SNX29: variants seen among roughly 807,000 people sequenced by gnomAD.
SNX29 encodes sorting nexin-29.
A neutral mutation model predicts 102.1 loss-of-function variants in SNX29; 78 were observed. The observed-to-expected ratio is 0.76, with a 90% CI of 0.64 to 0.92. The LOEUF is 0.92. SNX29 is among the 40% of genes least tolerant of loss of function. The pLI is 0.00. For missense variants in SNX29, 1,280 were observed against 1,061.7 expected, an observed-to-expected ratio of 1.21 and a Z score of -2.86; for synonymous variants, 580 against 414.5, an observed-to-expected ratio of 1.40 and a Z score of -4.85.
intron 20 of SNX29, among the ~76,000 whole-genome samples, chr16:12,566,419 C>T (rs552150447): frequency 2.3e-5 from 1 of 43,660 alleles, no homozygotes; most frequent in Non-Finnish European, 4.7e-5. Context: ...CTGTTACCTC[C>T]AGGGCCTCTC....
At chr16:12,220,443 C>A (rs1049168670) in intron 14 of SNX29, among the ~76,000 whole-genome samples, 1 of 152,050 alleles carries the variant, frequency 6.6e-6, no homozygotes, top group Admixed American at 6.5e-5. Context: ...ACTGGAGAGA[C>A]AGGCAGGGGT....
intron 15 of SNX29, among the ~76,000 whole-genome samples, chr16:12,350,201 C>G (rs969888410): frequency 2.0e-5 from 3 of 152,174 alleles, no homozygotes; most frequent in African/African-American, 7.2e-5. Flanking sequence ...TCTGTATCTG[C>G]GACTCTGCAT....
chr16:12,471,173 G>C (rs1319763519), intron 18 of SNX29, among the ~76,000 whole-genome samples: 2 of 152,032 alleles, frequency 1.3e-5, no homozygotes, highest in African/African-American at 4.8e-5. Flanking sequence ...GCCACTTAAA[G>C]GAAGCTTTTA....
chr16:12,278,949 G>C (rs939889976), intron 15 of SNX29, among the ~76,000 whole-genome samples: 2 of 152,074 alleles, frequency 1.3e-5, no homozygotes, highest in African/African-American at 4.8e-5. Context: ...TAACCTTATT[G>C]ATACCTGATT....
chr16:12,298,254 C>A (rs1331973002), intron 15 of SNX29, among the ~76,000 whole-genome samples: 1 of 152,080 alleles, frequency 6.6e-6, no homozygotes, highest in Non-Finnish European at 1.5e-5. Context: ...AATAACTGAG[C>A]AATGCAATTC....
intron 11 of SNX29, among the ~76,000 whole-genome samples, chr16:12,084,244 C>G (rs550096601): frequency 6.6e-6 from 1 of 151,764 alleles, no homozygotes; most frequent in Non-Finnish European, 1.5e-5. Flanking sequence ...CTCCCGGATT[C>G]AGGCTATTCT....
chr16:12,521,928 T>C (rs1226457555), intron 19 of SNX29, among the ~76,000 whole-genome samples: 1 of 152,184 alleles, frequency 6.6e-6, no homozygotes, highest in African/African-American at 2.4e-5. Context: ...GCTGGACTGA[T>C]GGTGACATTG....
chr16:12,395,909 G>T (rs967633620), intron 16 of SNX29, among the ~76,000 whole-genome samples: 1 of 152,186 alleles, frequency 6.6e-6, no homozygotes, highest in African/African-American at 2.4e-5. Context: ...GAGTAAGCTC[G>T]GCCTTTAATT....
chr16:12,564,580 GCC>G (rs1172681008), intron 20 of SNX29, among the ~76,000 whole-genome samples: 1 of 152,088 alleles, frequency 6.6e-6, no homozygotes, highest in Non-Finnish European at 1.5e-5. Context: ...CCATCCAGAC[GCC>G]CCTTTTTCTT....
chr16:12,549,654 A>T (rs1459275824), intron 20 of SNX29, among the ~76,000 whole-genome samples: 1 of 152,210 alleles, frequency 6.6e-6, no homozygotes, highest in East Asian at 1.9e-4. Context: ...TGCCGAAACC[A>T]GCTTGAGGCA....
intron 18 of SNX29, among the ~76,000 whole-genome samples, chr16:12,415,132 G>C (rs142670494): frequency 2.0e-5 from 3 of 152,248 alleles, no homozygotes; most frequent in Non-Finnish European, 4.4e-5. Flanking sequence ...CCAAGTCCGG[G>C]CAAAAATTCC....
chr16:12,051,887 G>T lies in SNX29; in HGVS notation c.789G>T (p.Val263=). The T allele has an allele frequency of 6.2e-7, 1 of 1,612,282 alleles. No individual in the cohort carries two copies. The highest frequency in any genetic ancestry group is 8.5e-7 in the Non-Finnish European group (1 of 1,179,612). ...AGGAGCGGAAGAAGAAAAAGAAAGT[G>T]ACCAACATAATCTCATTTGATGATG... ...CKKERKKKKK[V]TNIISFDDEE... The change falls in exon 8 of 21, where the codon GTG becomes GTT. Residue 263 remains valine, a synonymous_variant. Transcript: ENST00000566228.
chr16:12,561,001 G>C (rs2078695898), intron 20 of SNX29: 2 of 216,588 alleles, frequency 9.2e-6, no homozygotes, highest in South Asian at 1.9e-4. Flanking sequence ...AGCCATTTCT[G>C]GATCAGTTGT....
intron 13 of SNX29, among the ~76,000 whole-genome samples, chr16:12,179,971 C>T (rs887265962): frequency 6.6e-6 from 1 of 152,166 alleles, no homozygotes; most frequent in African/African-American, 2.4e-5. Context: ...TCAGTATTTT[C>T]AGGTACATGG....
Position 12,541,125 on chromosome 16 carries a change from C to T in SNX29, c.2318+16284C>T, listed in dbSNP as rs137918135. ...TTTGAAAGCTGACTTGGAGGGGAGA[C>T]ACAGGGGGAGGTGACCTTACTACAT... On this transcript the variant is annotated intron_variant, in intron 20 of 20. Transcript: ENST00000566228. Among the ~76,000 whole-genome samples the T allele has an allele frequency of 4.6e-3, 698 of 152,192 alleles. 4 individuals are homozygous for T. The highest frequency in any genetic ancestry group is 0.016 in the African/African-American group (655 of 41,542).
At chr16:12,443,457 A>G (rs1254210202) in intron 18 of SNX29, 1 of 153,432 alleles carries the variant, frequency 6.5e-6, no homozygotes. Flanking sequence ...TAAGAGGAGC[A>G]TGGCTTTTTT....
chr16:12,524,965 A>T, intron 20 of SNX29, 124 bp downstream of exon 20: 1 of 1,353,590 alleles, frequency 7.4e-7, no homozygotes, highest in Non-Finnish European at 1.0e-6. Flanking sequence ...ACCCAGGCGA[A>T]CTCCAGGGGC....
chr16:12,565,468 A>C (rs12708750), intron 20 of SNX29, among the ~76,000 whole-genome samples: 4 of 151,860 alleles, frequency 2.6e-5, no homozygotes, highest in African/African-American at 7.3e-5. Context: ...GGGTTCTCTC[A>C]AACCATCACA....
At chr16:12,534,773 CT>C (rs1567666079) in intron 20 of SNX29, among the ~76,000 whole-genome samples, 4 of 152,196 alleles carry the variant, frequency 2.6e-5, no homozygotes, top group African/African-American at 9.7e-5. Context: ...GCGTCTACCC[CT>C]CTGGTTTTTA....
Sources: gnomAD v4.1 joint callset for allele counts (sites outside exome capture counted in the v4.1 genomes callset) on GRCh38, gnomAD v4.1.1 for gene constraint, MANE v1.5 for transcripts, NCBI Gene and HGNC (gene_info 2026-07-23, HGNC 2026-07-21) for gene names.